Variants in KIAA0825 observed in about 807,000 individuals in gnomAD.
The protein encoded by KIAA0825 is uncharacterized protein KIAA0825.
A neutral mutation model predicts 147.6 loss-of-function variants in KIAA0825; 119 were observed. The observed-to-expected ratio is 0.81, with a 90% CI of 0.69 to 0.94. KIAA0825 has a LOEUF of 0.94. Among genes scored for constraint, KIAA0825 ranks in the 40% least tolerant of loss-of-function variants. The pLI is 0.00. For missense variants in KIAA0825, 1,381 were observed against 1,472.7 expected, an observed-to-expected ratio of 0.94 and a Z score of 1.02; for synonymous variants, 470 against 518.1, an observed-to-expected ratio of 0.91 and a Z score of 1.26.
chr5:94,375,035 T>C (rs1353506016), intron 20 of KIAA0825, among the ~76,000 whole-genome samples: 292 of 71,522 alleles, frequency 4.1e-3, no homozygotes, highest in African/African-American at 0.017. Flanking sequence ...TTCCTTCTCT[T>C]TTTTTTTTTT....
intron 3 of KIAA0825, among the ~76,000 whole-genome samples, chr5:94,535,780 A>G (rs1468464084): frequency 1.3e-5 from 2 of 152,220 alleles, no homozygotes; most frequent in Non-Finnish European, 2.9e-5. Flanking sequence ...AAAGATACAA[A>G]AAAGTTTCTT....
At chr5:94,431,788 T>C (rs1249528868) in intron 14 of KIAA0825, among the ~76,000 whole-genome samples, 1 of 152,182 alleles carries the variant, frequency 6.6e-6, no homozygotes, top group Non-Finnish European at 1.5e-5. Flanking sequence ...GCAGGGAGTT[T>C]GCTATTATAA....
intron 20 of KIAA0825, among the ~76,000 whole-genome samples, chr5:94,237,251 C>A (rs1465715743): frequency 3.9e-5 from 6 of 152,076 alleles, no homozygotes; most frequent in Admixed American, 2.0e-4. Context: ...AAAAATCTTG[C>A]AGGATTTTTG....
intron 2 of KIAA0825, among the ~76,000 whole-genome samples, chr5:94,565,487 G>GC (rs1561324017): frequency 6.6e-6 from 1 of 151,392 alleles, no homozygotes; most frequent in East Asian, 2.0e-4. Context: ...GATTACAGGC[G>GC]CCCACCACCA....
chr5:94,611,998 A>C (rs1189234431), intron 1 of KIAA0825: 4 of 152,144 alleles, frequency 2.6e-5, no homozygotes, highest in African/African-American at 9.7e-5. Context: ...AGGCTACCTG[A>C]ATTTAGAAAT....
At chr5:94,247,200 T>A (rs1186149046) in intron 20 of KIAA0825, among the ~76,000 whole-genome samples, 1 of 152,166 alleles carries the variant, frequency 6.6e-6, no homozygotes, top group Non-Finnish European at 1.5e-5. Flanking sequence ...ATTTTGTCTC[T>A]AAAAGTTATC....
At chr5:94,608,081 G>C (rs426493) in intron 1 of KIAA0825, among the ~76,000 whole-genome samples, 1 of 151,630 alleles carries the variant, frequency 6.6e-6, no homozygotes. Flanking sequence ...ATTCCCCTTG[G>C]CCATGTAACA....
chr5:94,505,438 AAAGGCCAATTTTC>A (rs1426760643), intron 5 of KIAA0825, among the ~76,000 whole-genome samples: 1 of 152,098 alleles, frequency 6.6e-6, no homozygotes, highest in Non-Finnish European at 1.5e-5. Context: ...AAAATATCTG[AAAGGCCAATTTTC>A]AAGATTAAAT....
At chr5:94,279,578 A>G (rs1403078973) in intron 20 of KIAA0825, among the ~76,000 whole-genome samples, 3 of 151,718 alleles carry the variant, frequency 2.0e-5, no homozygotes, top group East Asian at 3.9e-4. Flanking sequence ...TTTCTATCCT[A>G]TATTACCCAT....
intron 20 of KIAA0825, among the ~76,000 whole-genome samples, chr5:94,264,685 C>T (rs1265225913): frequency 6.6e-6 from 1 of 152,088 alleles, no homozygotes; most frequent in Non-Finnish European, 1.5e-5. Context: ...CTCCTCTCAA[C>T]TTATAACTCT....
chr5:94,495,593 C>T (rs1238645689), intron 5 of KIAA0825, among the ~76,000 whole-genome samples: 1 of 152,190 alleles, frequency 6.6e-6, no homozygotes, highest in Non-Finnish European at 1.5e-5. Context: ...GAGGGCCATA[C>T]CTCACCAGTC....
At chr5:94,200,856 A>G (rs1239563876) in intron 20 of KIAA0825, among the ~76,000 whole-genome samples, 1 of 148,508 alleles carries the variant, frequency 6.7e-6, no homozygotes, top group Non-Finnish European at 1.5e-5. Flanking sequence ...CTTTTTCTTG[A>G]TTTCTTTTTT....
chr5:94,418,805 T>C (rs957986111), intron 14 of KIAA0825, among the ~76,000 whole-genome samples: 6 of 152,092 alleles, frequency 3.9e-5, no homozygotes, highest in African/African-American at 1.4e-4. Context: ...CCTAATGAGA[T>C]GACACTGAGA....
chr5:94,254,462 G>A (rs1385568961), intron 20 of KIAA0825, among the ~76,000 whole-genome samples: 4 of 152,044 alleles, frequency 2.6e-5, no homozygotes, highest in African/African-American at 7.2e-5. Flanking sequence ...GAGCATGGAC[G>A]GATTAGTGTA....
chr5:94,549,440 G>A (rs902264346), intron 2 of KIAA0825, among the ~76,000 whole-genome samples: 11 of 152,182 alleles, frequency 7.2e-5, no homozygotes, highest in Non-Finnish European at 1.2e-4. Flanking sequence ...GAGCTGGCGC[G>A]GTGGCTCATG....
intron 20 of KIAA0825, among the ~76,000 whole-genome samples, chr5:94,197,684 C>T (rs760865200): frequency 3.4e-4 from 51 of 152,174 alleles, no homozygotes; most frequent in Non-Finnish European, 6.9e-4. Flanking sequence ...TTTCAATCTT[C>T]TGCATATGGC....
At chr5:94,507,828 A>C (rs1174508100) in intron 5 of KIAA0825, among the ~76,000 whole-genome samples, 3 of 152,250 alleles carry the variant, frequency 2.0e-5, no homozygotes, top group African/African-American at 4.8e-5. Context: ...AAACAAGGCA[A>C]CTTAGCAATT....
intron 1 of KIAA0825, among the ~76,000 whole-genome samples, chr5:94,605,362 C>T (rs780592967): frequency 9.2e-5 from 14 of 152,114 alleles, no homozygotes; most frequent in Non-Finnish European, 1.8e-4. Flanking sequence ...ATCACTTCTA[C>T]TAAAACTATT....
In KIAA0825 at chr5:94,220,953, G is replaced by T. The variant is rs562176868; in HGVS notation, c.3711-66829C>A. ...CATATATGCATTAGTATGACCTAGA[G>T]TTTAGACTCCTCAGTAACCACTGAT... On this transcript the variant is annotated intron_variant, in intron 20 of 20. Coordinates refer to ENST00000682413, the MANE Select transcript of KIAA0825 (RefSeq NM_001145678.3). Among the ~76,000 whole-genome samples the T allele has an allele frequency of 6.0e-4, 92 of 152,272 alleles. 1 individual carries two copies. The South Asian group carries it at 0.018, about 30-fold the overall frequency.
Sources: allele counts gnomAD v4.1 joint callset (sites outside exome capture counted in the v4.1 genomes callset), GRCh38; gene constraint gnomAD v4.1.1; transcripts MANE v1.5; gene names NCBI Gene and HGNC (gene_info 2026-07-23, HGNC 2026-07-21).